GSDME: variants seen among roughly 807,000 people sequenced by gnomAD.
The protein encoded by GSDME is gasdermin-E.
GSDME carries 44 observed loss-of-function variants against 47.5 expected under a neutral mutation model. That is an observed-to-expected ratio of 0.93 (90% CI 0.73 to 1.19). The LOEUF (loss-of-function observed/expected upper bound fraction) is 1.19, where lower values mean the gene tolerates loss of function less well. Among genes scored for constraint, GSDME ranks in the 50% most tolerant of loss-of-function variants. The pLI is 0.00. For synonymous variants in GSDME, 258 were observed against 252.8 expected (o/e 1.02, Z -0.20); for missense variants, 663 against 604.2 (o/e 1.10, Z -1.02).
rs151150851 is a variant in GSDME at position 24,721,902 on chromosome 7, G to A, written c.405-2684C>T. 6.8e-4 allele frequency among the ~76,000 whole-genome samples: 103 copies of A among 152,292 alleles called. No homozygotes were observed. Among genetic ancestry groups the A allele is most frequent in the African/African-American group, 2.2e-3 (92 of 41,554 alleles). ...GCCAGGTGTGTGCCTACCCCGAGGC[G>A]TTGGCACACATTCCCTGATGGCCAC... On this transcript the variant is annotated intron_variant, in intron 3 of 9. Transcript: ENST00000645220. This position sits in a 1 kb window ranked among gnomAD's most constrained non-coding sequence, Gnocchi z 4.1.
intron 4 of GSDME, among the ~76,000 whole-genome samples, chr7:24,718,474 G>A (rs1479309632): frequency 2.6e-5 from 4 of 152,180 alleles, no homozygotes; most frequent in Non-Finnish European, 5.9e-5. Flanking sequence ...AACCCACAAA[G>A]GATTTGCAGC....
At chr7:24,706,110 C>A in intron 8 of GSDME, 74 bp downstream of exon 8, 2 of 1,557,210 alleles carry the variant, frequency 1.3e-6, no homozygotes, top group Non-Finnish European at 1.8e-6. Flanking sequence ...CCTCTGTGTC[C>A]CCAGAAGCAT....
intron 3 of GSDME, 137 bp from the exon 4 acceptor site, chr7:24,719,355 G>C (rs904712806): frequency 1.8e-5 from 17 of 955,978 alleles, no homozygotes; most frequent in Admixed American, 9.7e-5. Flanking sequence ...ATGATGAAAG[G>C]GGTGGCAGGT....
At position 24,745,028 on chromosome 7, in the gene GSDME, TGTGTGTGG is replaced by T. The variant is rs1247490326; in HGVS notation, c.212-282_212-275del. Among the ~76,000 whole-genome samples the T allele has an allele frequency of 3.8e-5, 5 of 129,906 alleles. No individual in the cohort carries two copies. The highest frequency in any genetic ancestry group is 2.7e-4 in the South Asian group (1 of 3,714). 85.2% of individuals were successfully genotyped at this position (129,906 alleles called of 152,430 possible). On this transcript the variant is annotated intron_variant, in intron 2 of 9. Coordinates refer to ENST00000645220, the MANE Select transcript of GSDME (RefSeq NM_001127453.2). The surrounding 1 kb of genome is among the most constrained non-coding windows in gnomAD (Gnocchi z 4.4). ...GTGTGTGTGTGTGTGTGTGTGTGTG[TGTGTGTGG>T]ACCACGGGCACACAGTGGACCAGTG...
rs895292769 is a variant in GSDME at position 24,757,152 on chromosome 7, C to A, written c.-20+244G>T. 1.3e-5 allele frequency among the ~76,000 whole-genome samples: 2 copies of A among 151,930 alleles called. No individual in the cohort carries two copies. Among genetic ancestry groups the A allele is most frequent in the African/African-American group, 4.8e-5 (2 of 41,370 alleles). On this transcript the variant is annotated intron_variant, in intron 1 of 9. Transcript: ENST00000645220. This position sits in a 1 kb window ranked among gnomAD's most constrained non-coding sequence, Gnocchi z 5.9. ...ATGCTGACTGCGAGTTGGGGCGGGA[C>A]GCGGTGATGGGAGGGGACCGGGCCG...
chr7:24,759,087 G>A (rs1005486472), upstream of GSDME, among the ~76,000 whole-genome samples: 1 of 152,168 alleles, frequency 6.6e-6, no homozygotes, highest in Non-Finnish European at 1.5e-5. Flanking sequence ...ATGGTGGTAG[G>A]CCCCTGATTT....
At chr7:24,730,396 A>G (rs1382308339) in intron 3 of GSDME, among the ~76,000 whole-genome samples, 3 of 152,228 alleles carry the variant, frequency 2.0e-5, no homozygotes, top group Admixed American at 6.5e-5. Context: ...GCCTCTTTCA[A>G]TGGATGACAT....
chr7:24,776,187 A>AAAT, the GSDME span, among the ~76,000 whole-genome samples: 4 of 151,118 alleles, frequency 2.6e-5, no homozygotes, highest in African/African-American at 9.7e-5. Context: ...TCTCAAAAAA[A>AAAT]AAAAAAAAAA....
intron 8 of GSDME, 112 bp downstream of exon 8, chr7:24,706,072 G>A: frequency 7.6e-7 from 1 of 1,322,158 alleles, no homozygotes; most frequent in African/African-American, 1.4e-5. Context: ...GGAAGGACCT[G>A]TATGTACCAT....
At chr7:24,738,840 T>A (rs914297931) in intron 3 of GSDME, among the ~76,000 whole-genome samples, 1 of 152,152 alleles carries the variant, frequency 6.6e-6, no homozygotes, top group Non-Finnish European at 1.5e-5. Context: ...ACATTTATGT[T>A]GAACTCATTT....
chr7:24,756,699 G>A lies in GSDME; in HGVS notation c.-20+697C>T, dbSNP rs1791028608. Among the ~76,000 whole-genome samples, 1 of 152,180 alleles carries A rather than the reference G, an allele frequency of 6.6e-6. No individual in the cohort carries two copies. Among genetic ancestry groups the A allele is most frequent in the Non-Finnish European group, 1.5e-5 (1 of 68,030 alleles). Reference sequence around the variant, plus strand: ...CACAACCAGCGCTTTTCTAAGAGGTGCCCTCTAGTCTTTCCCCTCGGGGTG... The same window carrying A: ...CACAACCAGCGCTTTTCTAAGAGGTACCCTCTAGTCTTTCCCCTCGGGGTG... On this transcript the variant is annotated intron_variant, in intron 1 of 9. Transcript: ENST00000645220. This position sits in a 1 kb window ranked among gnomAD's most constrained non-coding sequence, Gnocchi z 4.2.
the GSDME span, among the ~76,000 whole-genome samples, chr7:24,779,051 C>T: frequency 3.3e-5 from 5 of 152,192 alleles, no homozygotes; most frequent in Non-Finnish European, 7.3e-5. This position sits in a 1 kb window ranked among gnomAD's most constrained non-coding sequence, Gnocchi z 6.0. Flanking sequence ...GACTGGAGCT[C>T]ATCCCATGAC....
rs1790195346 is a variant in GSDME, at chr7:24,733,040, G to T, written c.404+11522C>A. Among the ~76,000 whole-genome samples, 1 of 151,874 alleles carries T rather than the reference G, an allele frequency of 6.6e-6. No individual in the cohort carries two copies. Among genetic ancestry groups the T allele is most frequent in the African/African-American group, 2.4e-5 (1 of 41,324 alleles). On this transcript the variant is annotated intron_variant, in intron 3 of 9. Coordinates refer to ENST00000645220, the MANE Select transcript of GSDME (RefSeq NM_001127453.2). The surrounding 1 kb of genome is among the most constrained non-coding windows in gnomAD (Gnocchi z 4.3). ...CTTCCTTGTGCTTGAGGAGAGGAGA[G>T]GGAAGAGGAAAAAGGACTTTGTACT... is the stretch of plus-strand genomic sequence containing the variant.
At chr7:24,782,824 T>C in the GSDME span, among the ~76,000 whole-genome samples, 1 of 152,254 alleles carries the variant, frequency 6.6e-6, no homozygotes, top group East Asian at 1.9e-4. Context: ...CCAGTGATGA[T>C]GAGTATTTTT....
chr7:24,754,145 A>T lies in GSDME; in HGVS notation c.-20+3251T>A, dbSNP rs1184314093. 6.6e-6 allele frequency among the ~76,000 whole-genome samples: 1 copy of T among 152,220 alleles called. No individual in the cohort carries two copies. Among genetic ancestry groups the T allele is most frequent in the Non-Finnish European group, 1.5e-5 (1 of 68,048 alleles). ...AGCTCATGGCCTAAAAACTCACTGC[A>T]CTTCACAGTTGTTACATAGATCACG... On this transcript the variant is annotated intron_variant, in intron 1 of 9. Coordinates refer to ENST00000645220, the MANE Select transcript of GSDME (RefSeq NM_001127453.2). This position sits in a 1 kb window ranked among gnomAD's most constrained non-coding sequence, Gnocchi z 5.0.
At chr7:24,701,862 A>G (rs1483529567) in intron 9 of GSDME, among the ~76,000 whole-genome samples, 1 of 152,150 alleles carries the variant, frequency 6.6e-6, no homozygotes, top group Non-Finnish European at 1.5e-5. Context: ...ATAGTCTTCT[A>G]ATGTCTTTGC....
the GSDME span, among the ~76,000 whole-genome samples, chr7:24,790,175 A>C: frequency 1.3e-5 from 2 of 152,208 alleles, no homozygotes; most frequent in South Asian, 4.1e-4. This position sits in a 1 kb window ranked among gnomAD's most constrained non-coding sequence, Gnocchi z 4.1. Context: ...GAGCCAATCT[A>C]TTTTGATAGA....
At chr7:24,769,508 A>G in the GSDME span, among the ~76,000 whole-genome samples, 1 of 152,172 alleles carries the variant, frequency 6.6e-6, no homozygotes, top group Non-Finnish European at 1.5e-5. Context: ...GTTTTATCAG[A>G]GCCTAACTCA....
rs1258912267 is a variant in GSDME, at chr7:24,710,457, G to A, written c.698-69C>T. 8 of 1,498,346 alleles carry A rather than the reference G, an allele frequency of 5.3e-6. No homozygotes were observed. The African/African-American group carries it at 1.1e-4, about 21-fold the overall frequency. 92.8% of individuals were successfully genotyped at this position (1,498,346 alleles called of 1,614,324 possible). ...AAGGTGTGCCAACAAGTCTGGACAGGGTCAGCCCAGCCTTGATGGCACATC... is the reference window on the plus strand; with the variant it reads ...AAGGTGTGCCAACAAGTCTGGACAGAGTCAGCCCAGCCTTGATGGCACATC... On this transcript the variant is annotated intron_variant, in intron 5 of 9. Coordinates refer to ENST00000645220, the MANE Select transcript of GSDME (RefSeq NM_001127453.2).
Sources: allele counts gnomAD v4.1 joint callset (sites outside exome capture counted in the v4.1 genomes callset), GRCh38; gene constraint gnomAD v4.1.1; non-coding constraint Gnocchi (gnomAD v3.1); transcripts MANE v1.5; gene names NCBI Gene and HGNC (gene_info 2026-07-23, HGNC 2026-07-21).